The following DACH1 variants were observed in gnomAD, a reference collection of about 807,000 sequenced individuals.
DACH1 encodes dachshund homolog 1.
DACH1 carries 12 observed loss-of-function variants against 54.2 expected under a neutral mutation model. The observed-to-expected ratio is 0.22, with a 90% CI of 0.14 to 0.36. The LOEUF is 0.36. Among genes scored for constraint, DACH1 ranks in the 10% least tolerant of loss-of-function variants. DACH1 has a pLI of 1.00. For synonymous variants in DACH1, 386 were observed against 366.2 expected, an observed-to-expected ratio of 1.05 and a Z score of -0.62; for missense variants, 805 against 929.8, an observed-to-expected ratio of 0.87 and a Z score of 1.75.
chr13:71,450,938 G>C (rs532522250), intron 10 of DACH1, among the ~76,000 whole-genome samples: 1 of 152,058 alleles, frequency 6.6e-6, no homozygotes, highest in Non-Finnish European at 1.5e-5. Flanking sequence ...CCCAAATGGG[G>C]TCGAAATCTG....
At chr13:71,631,917 G>T (rs2138573074) in intron 2 of DACH1, among the ~76,000 whole-genome samples, 1 of 152,126 alleles carries the variant, frequency 6.6e-6, no homozygotes, top group African/African-American at 2.4e-5. Flanking sequence ...TGGGCAACAG[G>T]ATAAAACCCC....
chr13:71,796,487 C>G (rs754863101), intron 1 of DACH1, among the ~76,000 whole-genome samples: 2 of 151,708 alleles, frequency 1.3e-5, no homozygotes, highest in Non-Finnish European at 2.9e-5. Context: ...ATTAGTAATT[C>G]CCATTAGAAA....
intron 1 of DACH1, among the ~76,000 whole-genome samples, chr13:71,838,929 T>C (rs1232346737): frequency 6.6e-6 from 1 of 152,204 alleles, no homozygotes; most frequent in Non-Finnish European, 1.5e-5. Context: ...AGAGCTTTCA[T>C]TTTTATTCAG....
At chr13:71,553,369 C>A (rs866290658) in intron 6 of DACH1, among the ~76,000 whole-genome samples, 3 of 67,752 alleles carry the variant, frequency 4.4e-5, no homozygotes, top group African/African-American at 6.4e-5. Flanking sequence ...AGACATATAT[C>A]CATATATGTA....
intron 1 of DACH1, among the ~76,000 whole-genome samples, chr13:71,778,970 T>G (rs1353416687): frequency 6.6e-6 from 1 of 151,784 alleles, no homozygotes; most frequent in East Asian, 1.9e-4. Context: ...CTCCCCTTTT[T>G]CAGCAAGATT....
intron 1 of DACH1, among the ~76,000 whole-genome samples, chr13:71,796,081 C>T (rs1016162151): frequency 6.6e-6 from 1 of 152,114 alleles, no homozygotes; most frequent in African/African-American, 2.4e-5. Context: ...ACTGAACATG[C>T]TTCTTTTAAG....
At chr13:71,559,449 A>G (rs1221531417) in intron 5 of DACH1, among the ~76,000 whole-genome samples, 1 of 152,166 alleles carries the variant, frequency 6.6e-6, no homozygotes, top group Admixed American at 6.5e-5. Flanking sequence ...GAATTACAAA[A>G]ATGGCAGAGT....
chr13:71,549,942 T>C (rs1319696570), intron 6 of DACH1, among the ~76,000 whole-genome samples: 1 of 152,152 alleles, frequency 6.6e-6, no homozygotes, highest in East Asian at 1.9e-4. Flanking sequence ...TAAATAAAGA[T>C]TATTTTTAAT....
At chr13:71,654,438 ATAAAATAAAATAAAATAAAG>A (rs1878924620) in intron 2 of DACH1, among the ~76,000 whole-genome samples, 19 of 139,304 alleles carry the variant, frequency 1.4e-4, no homozygotes, top group East Asian at 6.2e-4. Context: ...ATAAAATAAA[ATAAAATAAAATAAAATAAAG>A]TAAAATAAAA....
intron 6 of DACH1, among the ~76,000 whole-genome samples, chr13:71,506,914 A>G (rs1044202823): frequency 1.9e-4 from 29 of 151,626 alleles, no homozygotes; most frequent in African/African-American, 7.0e-4. Flanking sequence ...TTCAAGATGG[A>G]TTAAAGACTT....
intron 2 of DACH1, among the ~76,000 whole-genome samples, chr13:71,649,699 C>CA (rs1368081962): frequency 6.6e-6 from 1 of 152,032 alleles, no homozygotes; most frequent in East Asian, 1.9e-4. Flanking sequence ...GCAAAAATCA[C>CA]AAAAAGATCC....
At chr13:71,758,260 A>T (rs1050830734) in intron 1 of DACH1, among the ~76,000 whole-genome samples, 2 of 152,162 alleles carry the variant, frequency 1.3e-5, no homozygotes, top group Admixed American at 1.3e-4. Flanking sequence ...TGTGCATTTA[A>T]AACAGATTGA....
chr13:71,663,889 A>ACATGGCC (rs1422922533), intron 2 of DACH1, among the ~76,000 whole-genome samples: 134 of 152,116 alleles, frequency 8.8e-4, no homozygotes, highest in African/African-American at 3.0e-3. Context: ...AAAGTTCATT[A>ACATGGCC]ATATCCACAT....
At chr13:71,713,014 C>CA (rs1882795902) in intron 1 of DACH1, among the ~76,000 whole-genome samples, 1 of 151,104 alleles carries the variant, frequency 6.6e-6, no homozygotes, top group East Asian at 1.9e-4. Flanking sequence ...GTTTAATTGA[C>CA]AAAAACAAAA....
At chr13:71,643,749 A>C (rs1483735017) in intron 2 of DACH1, among the ~76,000 whole-genome samples, 2 of 152,232 alleles carry the variant, frequency 1.3e-5, no homozygotes, top group East Asian at 3.8e-4. Context: ...GGTTTCTTTC[A>C]ACTGTTACGG....
chr13:71,568,250 A>C (rs1018355151), intron 4 of DACH1, among the ~76,000 whole-genome samples: 4 of 152,038 alleles, frequency 2.6e-5, no homozygotes, highest in African/African-American at 9.7e-5. Context: ...GGCTTAACAG[A>C]ATTTTATGTC....
intron 1 of DACH1, among the ~76,000 whole-genome samples, chr13:71,865,460 G>A (rs1028163769): frequency 1.3e-5 from 2 of 152,136 alleles, no homozygotes; most frequent in Non-Finnish European, 2.9e-5. Context: ...CCGGGACACC[G>A]CTCGGCGCCA....
At chr13:71,843,795 G>A (rs1483635477) in intron 1 of DACH1, among the ~76,000 whole-genome samples, 2 of 152,154 alleles carry the variant, frequency 1.3e-5, no homozygotes, top group Non-Finnish European at 2.9e-5. Flanking sequence ...CCAAAGGAAA[G>A]CACACCAACC....
chr13:71,508,592 A>C (rs1880513487), intron 6 of DACH1, among the ~76,000 whole-genome samples: 1 of 151,756 alleles, frequency 6.6e-6, no homozygotes, highest in Non-Finnish European at 1.5e-5. Flanking sequence ...TCAGCCTCCT[A>C]AGGAGCTGGG....
Sources: allele counts gnomAD v4.1 joint callset (sites outside exome capture counted in the v4.1 genomes callset), GRCh38; gene constraint gnomAD v4.1.1; transcripts MANE v1.5; gene names NCBI Gene and HGNC (gene_info 2026-07-23, HGNC 2026-07-21).